Variants in C10orf105 observed in about 807,000 individuals in gnomAD.
The protein encoded by C10orf105 is uncharacterized protein C10orf105.
Under a neutral mutation model 0.6 loss-of-function variants are expected in C10orf105, and 2 were observed. The ratio of observed to expected loss-of-function variants is 3.18; its 90% CI spans 1.30 to 10.01. The LOEUF (loss-of-function observed/expected upper bound fraction) is 10.01, where lower values mean the gene tolerates loss of function less well. Ranked by LOEUF, C10orf105 falls within the 30% of genes most tolerant of loss-of-function variation. The probability of loss-of-function intolerance (pLI) is 0.04; values close to 1 mark genes in which losing one functional copy is unlikely to be tolerated. For synonymous variants in C10orf105, 95 were observed against 82.4 expected (o/e 1.15, Z -0.83); for missense variants, 209 against 191.4 (o/e 1.09, Z -0.54).
In C10orf105 at chr10:71,731,903, G is replaced by T. The variant is rs547111328; in HGVS notation, c.-6+5825C>A. On this transcript the variant is annotated intron_variant, in intron 1 of 1. Coordinates refer to the C10orf105 transcript ENST00000398786. ...CCATGCTGGGTGGGCCACCCAGGGG[G>T]TATGGGTGTGGCAGCTTGAGAAGCC... 110 of 1,453,346 alleles carry T rather than the reference G, an allele frequency of 7.6e-5. No individual in the cohort carries two copies. In the African/African-American group the frequency reaches 1.5e-3, roughly 20 times the overall value. 90.0% of individuals were successfully genotyped at this position (1,453,346 alleles called of 1,614,324 possible). A position where few individuals can be genotyped will look rare whatever the true frequency, so the allele number is the denominator to read the frequency against.
At chr10:71,730,418 T>C (rs1222818538) in intron 1 of C10orf105, 2 of 1,598,202 alleles carry the variant, frequency 1.3e-6, no homozygotes, top group African/African-American at 2.7e-5. Context: ...GCCCTGGGCT[T>C]CCCAGCCTCC....
At chr10:71,731,014 C>T (rs559926763) in intron 1 of C10orf105, among the ~76,000 whole-genome samples, 1 of 152,378 alleles carries the variant, frequency 6.6e-6, no homozygotes, top group African/African-American at 2.4e-5. Flanking sequence ...GGGCCTAGCA[C>T]ACGCAGACCC....
chr10:71,730,684 G>C lies in C10orf105; in HGVS notation c.-6+7044C>G, dbSNP rs1004634637. The C allele has an allele frequency of 3.2e-6, 5 of 1,570,014 alleles. No individual in the cohort carries two copies. In the South Asian group the frequency reaches 5.8e-5, roughly 18 times the overall value. The stretch of plus-strand genomic sequence containing the variant: ...GCTCACCCAGCCCCTCCTTCGAAAC[G>C]GTCATCCCTGATGCTTCAGGCTCCC... On this transcript the variant is annotated intron_variant, in intron 1 of 1. Transcript: ENST00000398786.
chr10:71,724,118 G>T, upstream of C10orf105: 1 of 1,554,406 alleles, frequency 6.4e-7, no homozygotes, highest in Non-Finnish European at 8.7e-7. Context: ...AAGTGGGGCT[G>T]CCCTAGGATG....
chr10:71,727,068 A>C (rs1315982687), intron 1 of C10orf105, among the ~76,000 whole-genome samples: 1 of 152,218 alleles, frequency 6.6e-6, no homozygotes, highest in Non-Finnish European at 1.5e-5. Context: ...CCTGAGGAAT[A>C]ATAAACCCTC....
chr10:71,728,194 C>G (rs528369654), intron 1 of C10orf105, among the ~76,000 whole-genome samples: 119 of 152,260 alleles, frequency 7.8e-4, no homozygotes, highest in African/African-American at 2.7e-3. Context: ...CAAACTCCCC[C>G]CCGCACCCAC....
At position 71,713,237 on chromosome 10, in the gene C10orf105, G is replaced by T. The variant is rs925360586; in HGVS notation, c.*2699C>A. 4 of 779,180 alleles carry T rather than the reference G, an allele frequency of 5.1e-6. No homozygotes were observed. Among genetic ancestry groups the T allele is most frequent in the Non-Finnish European group, 7.2e-6 (3 of 417,794 alleles). The allele number at this position is 779,180 out of a possible 1,614,324, so 48.3% of individuals were successfully genotyped here. On this transcript the variant is annotated 3_prime_UTR_variant, in exon 2 of 2. Transcript: ENST00000441508. Reference sequence around the variant, plus strand: ...AGGCTCCCCTCTTGGGAAGTAAACAGGCACAAGAAGAAAGGGCTCCTTTGC... The same window carrying T: ...AGGCTCCCCTCTTGGGAAGTAAACATGCACAAGAAGAAAGGGCTCCTTTGC...
At chr10:71,732,536 G>T (rs1447443317) in intron 1 of C10orf105, 14 of 1,317,232 alleles carry the variant, frequency 1.1e-5, no homozygotes, top group Non-Finnish European at 1.4e-5. Context: ...AGAGGCTGGG[G>T]CAGGAAGATT....
intron 1 of C10orf105, among the ~76,000 whole-genome samples, chr10:71,730,933 G>A (rs2132821364): frequency 6.6e-6 from 1 of 152,372 alleles, no homozygotes; most frequent in East Asian, 1.9e-4. Context: ...GGGGTAAAGA[G>A]GACCGGTCAG....
chr10:71,717,648 C>G (rs535203634), intron 1 of C10orf105: 25 of 152,394 alleles, frequency 1.6e-4, no homozygotes, highest in African/African-American at 5.3e-4. Context: ...GCAGGGCCAC[C>G]TGGAGAGCAC....
At chr10:71,727,576 C>T (rs966776188) in intron 1 of C10orf105, among the ~76,000 whole-genome samples, 3 of 152,200 alleles carry the variant, frequency 2.0e-5, no homozygotes, top group African/African-American at 7.2e-5. Context: ...GCCTCAGAGA[C>T]CGGGGACAGC....
chr10:71,722,559 G>A (rs762203514), upstream of C10orf105, among the ~76,000 whole-genome samples: 7 of 152,180 alleles, frequency 4.6e-5, no homozygotes, highest in Admixed American at 1.3e-4. Flanking sequence ...CAGGGATATC[G>A]CAGTGCACAA....
rs1467567314 is a variant in C10orf105 at position 71,716,035 on chromosome 10, G to T, written c.303C>A (p.His101Gln). Reference sequence around the variant, plus strand: ...CGGTGGGCCGGCCATGGCGGAAGCTGTGCAGGGAGAGGCGCAAGGAGCCCA... The same window carrying T: ...CGGTGGGCCGGCCATGGCGGAAGCTTTGCAGGGAGAGGCGCAAGGAGCCCA... ...KRLGSLRLSL[H>Q]SFRHGRPTVP... The change falls in exon 2 of 2, where the codon CAC (histidine) becomes CAA (glutamine). Residue 101 changes from histidine (H) to glutamine (Q), a missense_variant. By Grantham distance (24) the His-to-Gln change is conservative. Coordinates refer to ENST00000441508, the MANE Select transcript of C10orf105 (RefSeq NM_001164375.3). 6.6e-7 allele frequency: 1 copy of T among 1,508,064 alleles called. No homozygotes were observed. The highest frequency in any genetic ancestry group is 8.9e-7 in the Non-Finnish European group (1 of 1,126,112). 93.4% of individuals were successfully genotyped at this position (1,508,064 alleles called of 1,614,324 possible).
intron 1 of C10orf105, among the ~76,000 whole-genome samples, chr10:71,731,272 G>T (rs979354598): frequency 6.6e-6 from 1 of 152,220 alleles, no homozygotes; most frequent in Non-Finnish European, 1.5e-5. Flanking sequence ...GGCTCCCTGA[G>T]CTGCTCATCC....
upstream of C10orf105, chr10:71,719,833 C>G (rs1471999654): frequency 1.3e-5 from 2 of 152,574 alleles, no homozygotes; most frequent in Non-Finnish European, 2.9e-5. Flanking sequence ...AGTTTGGGCC[C>G]TGCCTTGGGG....
At position 71,734,357 on chromosome 10, in the gene C10orf105, G is replaced by A. The variant is rs776698303; in HGVS notation, c.-6+3371C>T. 1.9e-5 allele frequency: 31 copies of A among 1,595,530 alleles called. No homozygotes were observed. In the Admixed American group the frequency reaches 5.4e-4, roughly 28 times the overall value. Reference sequence around the variant, plus strand: ...CTCCACCGTGGTGAGTGGGACCAGGGTGAGAGTCCCTCAGGTGCGGCCCAT... The same window carrying A: ...CTCCACCGTGGTGAGTGGGACCAGGATGAGAGTCCCTCAGGTGCGGCCCAT... On this transcript the variant is annotated intron_variant, in intron 1 of 1. Transcript: ENST00000398786.
rs1292260293 is a variant in C10orf105 at position 71,712,783 on chromosome 10, G to A, written c.*3153C>T. 38 of 1,612,880 alleles carry A rather than the reference G, an allele frequency of 2.4e-5. No homozygotes were observed. The highest frequency in any genetic ancestry group is 3.1e-5 in the Non-Finnish European group (37 of 1,179,604). On this transcript the variant is annotated 3_prime_UTR_variant, in exon 2 of 2. Coordinates refer to ENST00000441508, the MANE Select transcript of C10orf105 (RefSeq NM_001164375.3). Reference sequence around the variant, plus strand: ...GCAGCTATGAGGCCAGCGTCCCTGAGGACATCCCTGAAGGCCACAGCATCT... The same window carrying A: ...GCAGCTATGAGGCCAGCGTCCCTGAAGACATCCCTGAAGGCCACAGCATCT...
In C10orf105 at chr10:71,712,341, T is replaced by C; in HGVS notation, c.*3595A>G. On this transcript the variant is annotated 3_prime_UTR_variant, in exon 2 of 2. Coordinates refer to ENST00000441508, the MANE Select transcript of C10orf105 (RefSeq NM_001164375.3). ...CCCAGGGGTTTAACATGGGTCTGTT[T>C]TTTTTGGGAGCCATCATTCAATCCA... 1 of 259,444 alleles carries C rather than the reference T, an allele frequency of 3.9e-6. No homozygotes were observed. Among genetic ancestry groups the C allele is most frequent in the South Asian group, 9.4e-5 (1 of 10,640 alleles). 16.1% of individuals were successfully genotyped at this position (259,444 alleles called of 1,614,324 possible).
At chr10:71,733,678 A>G in intron 1 of C10orf105, among the ~76,000 whole-genome samples, 1 of 152,252 alleles carries the variant, frequency 6.6e-6, no homozygotes, top group Non-Finnish European at 1.5e-5. Flanking sequence ...GGAAGCTCAG[A>G]CATAAATGCT....
Sources: gnomAD v4.1 joint callset for allele counts (sites outside exome capture counted in the v4.1 genomes callset) on GRCh38, gnomAD v4.1.1 for gene constraint, MANE v1.5 for transcripts, NCBI Gene and HGNC (gene_info 2026-07-23, HGNC 2026-07-21) for gene names.